Variants in XRCC5 observed in about 807,000 individuals in gnomAD.
The protein encoded by XRCC5 is DNA repair protein Ku80.
A neutral mutation model predicts 95.7 loss-of-function variants in XRCC5; 12 were observed. The observed-to-expected ratio is 0.13, with a 90% CI of 0.08 to 0.20. The LOEUF is 0.20. Among genes scored for constraint, XRCC5 ranks in the 10% least tolerant of loss-of-function variants. The pLI is 1.00. For missense variants in XRCC5, 595 were observed against 873.9 expected (o/e 0.68, Z 4.02); for synonymous variants, 281 against 290.3 (o/e 0.97, Z 0.33).
chr2:216,195,277 G>A (rs955352711), intron 19 of XRCC5, among the ~76,000 whole-genome samples: 2 of 152,066 alleles, frequency 1.3e-5, no homozygotes, highest in African/African-American at 4.8e-5. Context: ...CCCTGGTAAA[G>A]GCTATGAAAT....
intron 5 of XRCC5, among the ~76,000 whole-genome samples, chr2:216,120,693 C>G (rs1041293758): frequency 6.6e-6 from 1 of 151,976 alleles, no homozygotes; most frequent in Non-Finnish European, 1.5e-5. Flanking sequence ...ATAGCTGAGA[C>G]TATAGATGCA....
chr2:216,194,898 ACT>A lies in XRCC5; in HGVS notation c.2042-16_2042-15del. 1 of 1,612,284 alleles carries A rather than the reference ACT, an allele frequency of 6.2e-7. No individual in the cohort carries two copies. Among genetic ancestry groups the A allele is most frequent in the Non-Finnish European group, 8.5e-7 (1 of 1,178,580 alleles). Reference sequence around the variant, plus strand: ...GGTTGATTCTTTGTGTTTTGATTTTACTCTCTGAATTACTTTTTAGATGGAAT... The same window carrying A: ...GGTTGATTCTTTGTGTTTTGATTTTACTCTGAATTACTTTTTAGATGGAAT... On this transcript the variant is annotated intron_variant, in intron 18 of 20. Transcript: ENST00000392132.
intron 18 of XRCC5, among the ~76,000 whole-genome samples, 180 bp downstream of exon 18, chr2:216,192,915 C>T (rs1689644981): frequency 6.6e-6 from 1 of 152,046 alleles, no homozygotes; most frequent in South Asian, 2.1e-4. Flanking sequence ...TCAAACTCTC[C>T]CTTAATAAGC....
intron 16 of XRCC5, among the ~76,000 whole-genome samples, chr2:216,179,876 G>C (rs1689349909): frequency 6.6e-6 from 1 of 152,204 alleles, no homozygotes; most frequent in Non-Finnish European, 1.5e-5. Context: ...GCAAGGTTGA[G>C]GTAGGCAGAT....
intron 13 of XRCC5, among the ~76,000 whole-genome samples, chr2:216,145,044 AGAGGT>A (rs1318393537): frequency 8.5e-5 from 13 of 152,200 alleles, no homozygotes; most frequent in African/African-American, 2.9e-4. Flanking sequence ...AATGGGGAGT[AGAGGT>A]GAGCTTAGCA....
intron 10 of XRCC5, among the ~76,000 whole-genome samples, chr2:216,133,194 T>A (rs765012328): frequency 6.6e-6 from 1 of 152,224 alleles, no homozygotes; most frequent in Non-Finnish European, 1.5e-5. Context: ...TCTACCCTGT[T>A]CTGAATGAAT....
At chr2:216,141,130 T>A in intron 12 of XRCC5, 56 bp from the exon 13 acceptor site, 1 of 1,602,766 alleles carries the variant, frequency 6.2e-7, no homozygotes, top group South Asian at 1.1e-5. Flanking sequence ...AGAAAGCATT[T>A]GTTTTAGTGG....
chr2:216,179,453 C>A (rs961938987), intron 16 of XRCC5, among the ~76,000 whole-genome samples: 1 of 152,064 alleles, frequency 6.6e-6, no homozygotes, highest in African/African-American at 2.4e-5. Flanking sequence ...CTATTCAGCC[C>A]ATGACAGCAC....
At chr2:216,161,603 A>G (rs1688953229) in intron 15 of XRCC5, among the ~76,000 whole-genome samples, 1 of 152,162 alleles carries the variant, frequency 6.6e-6, no homozygotes, top group Non-Finnish European at 1.5e-5. Flanking sequence ...ATCTATTCGA[A>G]ACCGACCCCA....
intron 16 of XRCC5, among the ~76,000 whole-genome samples, chr2:216,178,786 GT>G (rs1461013351): frequency 6.6e-6 from 1 of 152,108 alleles, no homozygotes; most frequent in African/African-American, 2.4e-5. Context: ...GTTCTAGACT[GT>G]CTACTCCCCT....
At chr2:216,198,182 C>G (rs1390004229) in intron 19 of XRCC5, among the ~76,000 whole-genome samples, 2 of 152,242 alleles carry the variant, frequency 1.3e-5, no homozygotes, top group African/African-American at 2.4e-5. Flanking sequence ...TTGCACCACA[C>G]CAGACCTTCG....
chr2:216,152,371 C>T (rs997961797), intron 14 of XRCC5, among the ~76,000 whole-genome samples: 1 of 151,828 alleles, frequency 6.6e-6, no homozygotes, highest in African/African-American at 2.4e-5. Flanking sequence ...ACCTAGGAGG[C>T]GGAGGTTTGC....
chr2:216,202,591 G>T (rs1410923137), intron 19 of XRCC5, among the ~76,000 whole-genome samples: 1 of 152,154 alleles, frequency 6.6e-6, no homozygotes, highest in East Asian at 1.9e-4. Context: ...CTCCATTGCT[G>T]GGATTTCCTC....
chr2:216,183,507 G>T (rs1195301967), intron 16 of XRCC5, among the ~76,000 whole-genome samples: 3 of 152,146 alleles, frequency 2.0e-5, no homozygotes, highest in African/African-American at 7.2e-5. Flanking sequence ...TTATTGGTAA[G>T]AATAATAATA....
At chr2:216,164,784 G>C (rs997986251) in intron 16 of XRCC5, among the ~76,000 whole-genome samples, 2 of 152,110 alleles carry the variant, frequency 1.3e-5, no homozygotes. Flanking sequence ...GTACAACTCT[G>C]GAAATGCCAG....
intron 14 of XRCC5, among the ~76,000 whole-genome samples, chr2:216,158,500 C>T (rs1688889125): frequency 6.6e-6 from 1 of 152,166 alleles, no homozygotes; most frequent in Non-Finnish European, 1.5e-5. Flanking sequence ...ATGACTGGCT[C>T]TGACCTTTTT....
intron 6 of XRCC5, among the ~76,000 whole-genome samples, chr2:216,124,535 G>A (rs971585131): frequency 2.6e-5 from 4 of 152,268 alleles, no homozygotes; most frequent in East Asian, 1.9e-4. Context: ...TATGAGACAC[G>A]TTAGACCTGG....
chr2:216,115,393 CTG>C (rs1394641715), intron 2 of XRCC5, among the ~76,000 whole-genome samples: 1 of 152,158 alleles, frequency 6.6e-6, no homozygotes, highest in Non-Finnish European at 1.5e-5. Context: ...CCTCCCATGA[CTG>C]AGATTTTGTC....
intron 13 of XRCC5, among the ~76,000 whole-genome samples, chr2:216,142,784 C>T (rs1381394406): frequency 6.6e-6 from 1 of 152,084 alleles, no homozygotes; most frequent in Non-Finnish European, 1.5e-5. Flanking sequence ...TTGAGGGATC[C>T]TCTACTTGAA....
Sources: allele counts gnomAD v4.1 joint callset (sites outside exome capture counted in the v4.1 genomes callset), GRCh38; gene constraint gnomAD v4.1.1; transcripts MANE v1.5; gene names NCBI Gene and HGNC (gene_info 2026-07-23, HGNC 2026-07-21).